SLC38A9: variants seen among roughly 807,000 people sequenced by gnomAD.
SLC38A9 encodes the protein neutral amino acid transporter 9.
SLC38A9 carries 48 observed loss-of-function variants against 62.3 expected under a neutral mutation model. That is an observed-to-expected ratio of 0.77 (90% confidence interval 0.61 to 0.98). SLC38A9 has a LOEUF of 0.98. SLC38A9 is among the 50% of genes least tolerant of loss of function. The probability of loss-of-function intolerance (pLI) is 0.00; values close to 1 mark genes in which losing one functional copy is unlikely to be tolerated. For missense variants in SLC38A9, 541 were observed against 679.8 expected, an observed-to-expected ratio of 0.80 and a Z score of 2.27; for synonymous variants, 204 against 227.7, an observed-to-expected ratio of 0.90 and a Z score of 0.94.
At chr5:55,671,604 T>G (rs1276843426) in intron 4 of SLC38A9, among the ~76,000 whole-genome samples, 1 of 150,424 alleles carries the variant, frequency 6.6e-6, no homozygotes, top group Non-Finnish European at 1.5e-5. Flanking sequence ...ACGCCTGTAA[T>G]CCCAGCACCT....
intron 14 of SLC38A9, chr5:55,633,483 T>C (rs1743864628): frequency 5.9e-6 from 2 of 336,206 alleles, no homozygotes; most frequent in Non-Finnish European, 5.4e-6. Flanking sequence ...TGACAATATG[T>C]AAATCAATAG....
At position 55,708,647 on chromosome 5, in the gene SLC38A9, A is replaced by G. The variant is rs185086090; in HGVS notation, c.-35+2805T>C. Among the ~76,000 whole-genome samples the G allele has an allele frequency of 2.6e-5, 4 of 152,354 alleles. No individual in the cohort carries two copies. In the East Asian group the frequency reaches 7.7e-4, roughly 29 times the overall value. Reference sequence around the variant, plus strand: ...TATATGTTCTTTCTCAGAGACTAAAAATGAATATTACTGAATACTTTTGTG... The same window carrying G: ...TATATGTTCTTTCTCAGAGACTAAAGATGAATATTACTGAATACTTTTGTG... On this transcript the variant is annotated intron_variant, in intron 2 of 15. Coordinates refer to ENST00000396865, the MANE Select transcript of SLC38A9 (RefSeq NM_173514.4).
chr5:55,686,450 T>C (rs1303462035), intron 3 of SLC38A9, among the ~76,000 whole-genome samples: 1 of 152,220 alleles, frequency 6.6e-6, no homozygotes, highest in African/African-American at 2.4e-5. Context: ...TTCATTTCTT[T>C]GCCCACTTTT....
At chr5:55,661,625 A>G (rs1188380460) in intron 8 of SLC38A9, among the ~76,000 whole-genome samples, 2 of 152,142 alleles carry the variant, frequency 1.3e-5, no homozygotes, top group South Asian at 2.1e-4. Flanking sequence ...TCTGATTGGA[A>G]TTTTGTGGAA....
chr5:55,653,718 G>A (rs1747925190), intron 9 of SLC38A9, among the ~76,000 whole-genome samples: 1 of 151,920 alleles, frequency 6.6e-6, no homozygotes, highest in Admixed American at 6.6e-5. Context: ...GAGTGCAGTG[G>A]TGCGATCTCG....
At chr5:55,648,382 A>G (rs1746775142) in intron 11 of SLC38A9, among the ~76,000 whole-genome samples, 1 of 152,216 alleles carries the variant, frequency 6.6e-6, no homozygotes. Flanking sequence ...CACTTTTTTA[A>G]AGAACATAGA....
intron 2 of SLC38A9, 35 bp from the exon 3 acceptor site, chr5:55,698,027 T>A: frequency 2.6e-6 from 2 of 755,108 alleles, no homozygotes; most frequent in East Asian, 3.0e-5. Flanking sequence ...AGTTTAATTT[T>A]AAAATATTTT....
chr5:55,680,016 T>A (rs1752760670), intron 3 of SLC38A9, among the ~76,000 whole-genome samples: 1 of 152,222 alleles, frequency 6.6e-6, no homozygotes, highest in African/African-American at 2.4e-5. Flanking sequence ...CCATGCCAGT[T>A]ATTACTCTCC....
intron 3 of SLC38A9, chr5:55,694,081 AC>A (rs1188554597): frequency 1.8e-5 from 3 of 163,186 alleles, no homozygotes; most frequent in Non-Finnish European, 1.4e-5. Context: ...AGTGGCATGC[AC>A]CTGTAGTCCC....
chr5:55,645,944 G>A (rs755739136), intron 11 of SLC38A9, 49 bp from the exon 12 acceptor site: 2 of 1,277,636 alleles, frequency 1.6e-6, no homozygotes, highest in Non-Finnish European at 2.2e-6. Flanking sequence ...ATTAGAAAAT[G>A]AGTATTGGTA....
chr5:55,685,545 C>G (rs7713297), intron 3 of SLC38A9, among the ~76,000 whole-genome samples: 91,199 of 151,964 alleles, frequency 0.6, 27,936 homozygotes, highest in South Asian at 0.7. Context: ...ATACCTAGAA[C>G]TAGAATTGCT....
chr5:55,633,760 T>A lies in SLC38A9; in HGVS notation c.1424A>T (p.Tyr475Phe). 1 of 1,614,148 alleles carries A rather than the reference T, an allele frequency of 6.2e-7. No homozygotes were observed. Among genetic ancestry groups the A allele is most frequent in the South Asian group, 1.1e-5 (1 of 91,070 alleles). Reference sequence around the variant, plus strand: ...TCAAGAGAAGAGCCCTTACCTAGGATAAATGTCACCGAAGATATGGCCCAA... The same window carrying A: ...TCAAGAGAAGAGCCCTTACCTAGGAAAAATGTCACCGAAGATATGGCCCAA... The part of the protein sequence containing the change: ...QLLGHIFGDI[Y>F]PSIFHVLILN... Residue 475 changes from tyrosine to phenylalanine, a missense_variant, in exon 14 of 16, where the codon TAT becomes TTT. By Grantham distance (22) the Tyr-to-Phe change is conservative. Coordinates refer to ENST00000396865, the MANE Select transcript of SLC38A9 (RefSeq NM_173514.4).
At chr5:55,663,800 G>A (rs527870812) in intron 8 of SLC38A9, among the ~76,000 whole-genome samples, 1 of 152,092 alleles carries the variant, frequency 6.6e-6, no homozygotes, top group Non-Finnish European at 1.5e-5. Context: ...ATTCTTTAAT[G>A]TTTAAAATGA....
At chr5:55,680,997 T>C (rs1374729728) in intron 3 of SLC38A9, among the ~76,000 whole-genome samples, 1 of 152,248 alleles carries the variant, frequency 6.6e-6, no homozygotes, top group Non-Finnish European at 1.5e-5. Flanking sequence ...AGGAAAGTTT[T>C]ACAAACTAAA....
At chr5:55,631,128 C>T (rs964773280) in intron 14 of SLC38A9, among the ~76,000 whole-genome samples, 10 of 151,826 alleles carry the variant, frequency 6.6e-5, no homozygotes, top group African/African-American at 1.7e-4. Flanking sequence ...AGTGAAACTC[C>T]GTCTCAAAAA....
At chr5:55,653,535 C>T (rs1561343667) in intron 9 of SLC38A9, among the ~76,000 whole-genome samples, 1 of 152,138 alleles carries the variant, frequency 6.6e-6, no homozygotes, top group Non-Finnish European at 1.5e-5. Context: ...ATATCATAAT[C>T]ACTGATAAAA....
At chr5:55,698,111 G>A (rs533766992) in intron 2 of SLC38A9, 119 bp from the exon 3 acceptor site, 24 of 512,578 alleles carry the variant, frequency 4.7e-5, no homozygotes, top group African/African-American at 4.6e-4. Flanking sequence ...ATATCTTAAT[G>A]AGGTATATGC....
intron 2 of SLC38A9, among the ~76,000 whole-genome samples, chr5:55,708,315 G>A (rs979285098): frequency 2.0e-5 from 3 of 152,182 alleles, no homozygotes; most frequent in Non-Finnish European, 4.4e-5. Flanking sequence ...AGGTGACAGA[G>A]TGAGACTGTC....
In SLC38A9 at chr5:55,657,438, A is replaced by G. The variant is rs371920840; in HGVS notation, c.698-664T>C. 6.6e-5 allele frequency among the ~76,000 whole-genome samples: 10 copies of G among 152,312 alleles called. No homozygotes were observed. The South Asian group carries it at 2.1e-3, about 32-fold the overall frequency. On this transcript the variant is annotated intron_variant, in intron 8 of 15. Transcript: ENST00000396865. ...CACAGAGTACAGTTCTAAAGTGTGC[A>G]AAAAGGGGAAACCAACACTCATACA...
Sources: allele counts gnomAD v4.1 joint callset (sites outside exome capture counted in the v4.1 genomes callset), GRCh38; gene constraint gnomAD v4.1.1; transcripts MANE v1.5; gene names NCBI Gene and HGNC (gene_info 2026-07-23, HGNC 2026-07-21).